The following OR1J2 variants were observed in gnomAD, a reference collection of about 807,000 sequenced individuals.
OR1J2 encodes olfactory receptor 1J2.
For synonymous variants in OR1J2, 142 were observed against 99.7 expected (o/e 1.42, Z -2.52); for missense variants, 304 against 246.1 (o/e 1.24, Z -1.57).
At chr9:122,578,436 A>G in the OR1J2 span, 19,694 of 135,704 alleles carry the variant, frequency 0.15, 1,437 homozygotes, top group South Asian at 0.21. Flanking sequence ...GCGACAGTGC[A>G]AGACTCCATC....
rs754314207 is a variant in OR1J2 at position 122,511,064 on chromosome 9, AG to A, written c.264del (p.Lys88AsnfsTer49). The A allele has an allele frequency of 5.6e-5, 77 of 1,366,552 alleles. No individual in the cohort carries two copies. Among genetic ancestry groups the A allele is most frequent in the Non-Finnish European group, 7.3e-5 (70 of 965,040 alleles). 84.7% of individuals were successfully genotyped at this position (1,366,552 alleles called of 1,614,324 possible). ...VPKMLMDMRT[K>X]YKSILYEECI... ...AAGATGCTGATGGACATGCGGACTAAGTACAAATCGATCCTCTATGAGGAAT... is the reference window on the plus strand; with the variant it reads ...AAGATGCTGATGGACATGCGGACTAATACAAATCGATCCTCTATGAGGAAT... On this transcript the variant is annotated frameshift_variant, in exon 1 of 1. Coordinates refer to ENST00000335302, the MANE Select transcript of OR1J2 (RefSeq NM_054107.1). LOFTEE classifies it low-confidence loss of function (END_TRUNC).
At position 122,510,871 on chromosome 9, in the gene OR1J2, C is replaced by G; in HGVS notation, c.70C>G (p.Gln24Glu). 1 of 1,611,222 alleles carries G rather than the reference C, an allele frequency of 6.2e-7. No homozygotes were observed. Among genetic ancestry groups the G allele is most frequent in the Non-Finnish European group, 8.5e-7 (1 of 1,177,372 alleles). The change falls in exon 1 of 1, where the codon CAG becomes GAG. Residue 24 changes from glutamine to glutamate, a missense_variant. Gln to Glu is a conservative substitution (Grantham distance 29). Transcript: ENST00000335302. ...GGGCCTCCCCATCCGGCCAGAGCAG[C>G]AGGCTGTGTTCTTCACCCTGTTCCT... ...LLGLPIRPEQ[Q>E]AVFFTLFLGM...
chr9:122,553,679 C>T, the OR1J2 span: 2 of 1,614,132 alleles, frequency 1.2e-6, no homozygotes, highest in Non-Finnish European at 1.7e-6. Flanking sequence ...TGCTAACCAA[C>T]TGTCCTGCCC....
At chr9:122,547,317 G>A in the OR1J2 span, among the ~76,000 whole-genome samples, 1 of 152,070 alleles carries the variant, frequency 6.6e-6, no homozygotes, top group Non-Finnish European at 1.5e-5. Context: ...AGTCTTACTA[G>A]TAACAAAGGA....
the OR1J2 span, among the ~76,000 whole-genome samples, chr9:122,530,135 T>G: frequency 6.6e-6 from 1 of 152,050 alleles, no homozygotes; most frequent in Non-Finnish European, 1.5e-5. Flanking sequence ...AAGAAATCCA[T>G]GAGATGAATA....
At chr9:122,547,074 A>AT in the OR1J2 span, among the ~76,000 whole-genome samples, 3 of 151,858 alleles carry the variant, frequency 2.0e-5, no homozygotes, top group African/African-American at 4.8e-5. Flanking sequence ...ATCAAAAATA[A>AT]TTTTTTTAAA....
chr9:122,469,591 A>G, the OR1J2 span, among the ~76,000 whole-genome samples: 1 of 152,220 alleles, frequency 6.6e-6, no homozygotes, highest in South Asian at 2.1e-4. Context: ...GATACCCGAA[A>G]ATGTGGAAGC....
At chr9:122,470,947 T>G in the OR1J2 span, among the ~76,000 whole-genome samples, 1 of 152,238 alleles carries the variant, frequency 6.6e-6, no homozygotes, top group Admixed American at 6.5e-5. Context: ...ACCCCCATTG[T>G]ATCTAGGAAG....
At chr9:122,451,100 T>C in the OR1J2 span, among the ~76,000 whole-genome samples, 152 of 151,212 alleles carry the variant, frequency 1.0e-3, 2 homozygotes, top group East Asian at 0.025. Flanking sequence ...TTCTGATATA[T>C]CTTTTTTAGT....
chr9:122,452,840 C>T, the OR1J2 span, among the ~76,000 whole-genome samples: 1 of 150,684 alleles, frequency 6.6e-6, no homozygotes, highest in East Asian at 1.9e-4. Context: ...ACCAGCCTGA[C>T]CAACATGGTG....
At chr9:122,483,368 CT>C in the OR1J2 span, among the ~76,000 whole-genome samples, 2 of 152,038 alleles carry the variant, frequency 1.3e-5, no homozygotes, top group Non-Finnish European at 2.9e-5. Context: ...TAGCCAATAA[CT>C]AGATAAACAG....
chr9:122,580,062 C>T, the OR1J2 span, among the ~76,000 whole-genome samples: 1 of 152,150 alleles, frequency 6.6e-6, no homozygotes, highest in Non-Finnish European at 1.5e-5. Flanking sequence ...TCCTGTCTCT[C>T]ACTAACTGGG....
the OR1J2 span, among the ~76,000 whole-genome samples, chr9:122,471,935 C>T: frequency 6.6e-6 from 1 of 152,170 alleles, no homozygotes; most frequent in African/African-American, 2.4e-5. Context: ...CCATTGTTTA[C>T]TACTGTACAT....
chr9:122,498,238 T>C, the OR1J2 span, among the ~76,000 whole-genome samples: 1 of 152,234 alleles, frequency 6.6e-6, no homozygotes, highest in African/African-American at 2.4e-5. Context: ...GTTGTTTGTT[T>C]GTTTTTTTCC....
At chr9:122,464,971 A>G in the OR1J2 span, among the ~76,000 whole-genome samples, 1 of 152,124 alleles carries the variant, frequency 6.6e-6, no homozygotes, top group Non-Finnish European at 1.5e-5. Context: ...GTGTATGCTT[A>G]TACTTTCATT....
the OR1J2 span, among the ~76,000 whole-genome samples, chr9:122,522,848 T>C: frequency 6.6e-6 from 1 of 152,174 alleles, no homozygotes; most frequent in Admixed American, 6.6e-5. Context: ...CTAAGAAATA[T>C]GCAAGAGTAC....
the OR1J2 span, among the ~76,000 whole-genome samples, chr9:122,557,083 C>G: frequency 6.6e-6 from 1 of 152,104 alleles, no homozygotes; most frequent in Non-Finnish European, 1.5e-5. Context: ...TATATTAACC[C>G]TGTATCCCGA....
the OR1J2 span, among the ~76,000 whole-genome samples, chr9:122,566,575 T>C: frequency 2.0e-5 from 3 of 152,218 alleles, no homozygotes; most frequent in Non-Finnish European, 2.9e-5. Context: ...TTACACTTTA[T>C]GGAATTAGTC....
chr9:122,487,990 AG>A, the OR1J2 span, among the ~76,000 whole-genome samples: 1 of 152,256 alleles, frequency 6.6e-6, no homozygotes, highest in South Asian at 2.1e-4. Flanking sequence ...ATGTCTCAAA[AG>A]TAAATGGTTA....
Sources: allele counts gnomAD v4.1 joint callset (sites outside exome capture counted in the v4.1 genomes callset), GRCh38; gene constraint gnomAD v4.1.1; transcripts MANE v1.5; gene names NCBI Gene and HGNC (gene_info 2026-07-23, HGNC 2026-07-21).